MDGA2: variants seen among roughly 807,000 people sequenced by gnomAD.
The protein encoded by MDGA2 is MAM domain containing glycosylphosphatidylinositol anchor 2, also known as MAM domain-containing glycosylphosphatidylinositol anchor protein 2.
A neutral mutation model predicts 117.8 loss-of-function variants in MDGA2; 40 were observed. The observed-to-expected ratio is 0.34, with a 90% confidence interval of 0.26 to 0.44. MDGA2 has a LOEUF of 0.44. Among genes scored for constraint, MDGA2 ranks in the 20% least tolerant of loss-of-function variants. MDGA2 has a pLI of 1.00. For synonymous variants in MDGA2, 452 were observed against 439.0 expected (o/e 1.03, Z -0.37); for missense variants, 1,123 against 1,250.6 (o/e 0.90, Z 1.54).
At chr14:47,543,467 TG>T (rs551200970) in intron 1 of MDGA2, among the ~76,000 whole-genome samples, 2 of 152,156 alleles carry the variant, frequency 1.3e-5, no homozygotes, top group Non-Finnish European at 2.9e-5. Context: ...AATAAGGAGA[TG>T]GCTGGTTAAA....
intron 1 of MDGA2, among the ~76,000 whole-genome samples, chr14:47,573,199 T>C (rs546985517): frequency 4.6e-5 from 7 of 152,252 alleles, no homozygotes; most frequent in Non-Finnish European, 5.9e-5. Context: ...AGATATAAGT[T>C]CCATCAAAAT....
intron 2 of MDGA2, among the ~76,000 whole-genome samples, chr14:47,263,080 G>A (rs17118256): frequency 0.22 from 33,600 of 151,980 alleles, 4,714 homozygotes; most frequent in East Asian, 0.44. Context: ...ATTTAGCAGG[G>A]TAATTCTTGC....
intron 1 of MDGA2, among the ~76,000 whole-genome samples, chr14:47,301,959 T>C (rs1889299296): frequency 1.3e-5 from 2 of 152,306 alleles, no homozygotes; most frequent in South Asian, 4.1e-4. Context: ...ATGGAAGACA[T>C]TGACATTTGT....
intron 8 of MDGA2, among the ~76,000 whole-genome samples, chr14:47,019,777 G>A (rs1888220124): frequency 1.3e-5 from 2 of 150,706 alleles, no homozygotes; most frequent in African/African-American, 4.9e-5. Context: ...CCGGGAGGCG[G>A]AGCTTGCAGT....
At chr14:47,596,937 A>T (rs963810403) in intron 1 of MDGA2, among the ~76,000 whole-genome samples, 1 of 152,182 alleles carries the variant, frequency 6.6e-6, no homozygotes, top group Non-Finnish European at 1.5e-5. Flanking sequence ...CTGGTAGATA[A>T]GCCCATTCTG....
rs556505614 is a variant in MDGA2 at position 47,240,149 on chromosome 14, A to G, written c.421-21954T>C. Reference sequence around the variant, plus strand: ...AACTTCTGCCTCCCTGGTTCAAGCGATTCTCCTGCCTCAGCCTCCTCAGTA... The same window carrying G: ...AACTTCTGCCTCCCTGGTTCAAGCGGTTCTCCTGCCTCAGCCTCCTCAGTA... On this transcript the variant is annotated intron_variant, in intron 2 of 16. Coordinates refer to ENST00000399232, the MANE Select transcript of MDGA2 (RefSeq NM_001113498.3). Among the ~76,000 whole-genome samples, 114 of 151,678 alleles carry G rather than the reference A, an allele frequency of 7.5e-4. 1 individual carries two copies. Among genetic ancestry groups the G allele is most frequent in the African/African-American group, 1.7e-3 (69 of 41,418 alleles).
chr14:47,465,873 T>C (rs1893592967), intron 1 of MDGA2, among the ~76,000 whole-genome samples: 1 of 152,148 alleles, frequency 6.6e-6, no homozygotes, highest in South Asian at 2.1e-4. Flanking sequence ...TAAAGACACA[T>C]GCAGGTGAAT....
intron 10 of MDGA2, among the ~76,000 whole-genome samples, chr14:46,908,671 A>T (rs1280035282): frequency 6.6e-6 from 1 of 152,174 alleles, no homozygotes. Context: ...AGATCTGAAG[A>T]TTTCTAATTT....
chr14:46,926,972 G>C (rs1296496343), intron 9 of MDGA2, among the ~76,000 whole-genome samples: 1 of 152,130 alleles, frequency 6.6e-6, no homozygotes, highest in Non-Finnish European at 1.5e-5. Flanking sequence ...CCTGAGCGTA[G>C]ACTCCTAAAT....
At chr14:47,228,705 A>G (rs1886590468) in intron 2 of MDGA2, among the ~76,000 whole-genome samples, 1 of 152,174 alleles carries the variant, frequency 6.6e-6, no homozygotes, top group Admixed American at 6.6e-5. Context: ...ACTATGACAT[A>G]TTATAATGAA....
intron 9 of MDGA2, among the ~76,000 whole-genome samples, chr14:46,928,489 A>G (rs1884415482): frequency 6.6e-6 from 1 of 152,136 alleles, no homozygotes; most frequent in Non-Finnish European, 1.5e-5. Flanking sequence ...TTCTAATAAC[A>G]TTGAATCTCA....
At chr14:47,109,981 A>C (rs1315077287) in intron 5 of MDGA2, among the ~76,000 whole-genome samples, 1 of 152,146 alleles carries the variant, frequency 6.6e-6, no homozygotes. Context: ...AATCAAAAAA[A>C]CCTACAAACA....
chr14:47,320,174 C>A (rs184321740), intron 1 of MDGA2, among the ~76,000 whole-genome samples: 2 of 152,120 alleles, frequency 1.3e-5, no homozygotes, highest in African/African-American at 4.8e-5. Flanking sequence ...TTAAAGCCAT[C>A]CAGTTTGCAG....
chr14:47,139,819 C>T (rs9743953), intron 4 of MDGA2, among the ~76,000 whole-genome samples: 1 of 141,874 alleles, frequency 7.0e-6, no homozygotes, highest in Non-Finnish European at 1.5e-5. Context: ...TATATACACA[C>T]ATATATATAC....
chr14:47,090,760 GC>G (rs1388676406), intron 6 of MDGA2, among the ~76,000 whole-genome samples: 1 of 152,112 alleles, frequency 6.6e-6, no homozygotes, highest in Admixed American at 6.6e-5. Context: ...TAGAAGTCTG[GC>G]TACCTTGAAG....
intron 1 of MDGA2, among the ~76,000 whole-genome samples, chr14:47,465,010 A>G (rs1893570795): frequency 6.6e-6 from 1 of 152,198 alleles, no homozygotes; most frequent in African/African-American, 2.4e-5. Flanking sequence ...AGGCACCTAC[A>G]TGAATGGAAC....
chr14:46,846,892 T>A (rs182011176), intron 15 of MDGA2, among the ~76,000 whole-genome samples: 70 of 152,250 alleles, frequency 4.6e-4, no homozygotes, highest in African/African-American at 1.6e-3. Context: ...ATTAATAACA[T>A]TTCTAGACTT....
At chr14:47,183,484 T>C (rs1174111691) in intron 3 of MDGA2, among the ~76,000 whole-genome samples, 2 of 152,104 alleles carry the variant, frequency 1.3e-5, no homozygotes, top group Non-Finnish European at 2.9e-5. Context: ...GATAAGATGG[T>C]TCATGATCTG....
At chr14:47,272,739 T>A (rs1888186860) in intron 2 of MDGA2, among the ~76,000 whole-genome samples, 1 of 152,236 alleles carries the variant, frequency 6.6e-6, no homozygotes, top group Admixed American at 6.5e-5. Flanking sequence ...ACAAATTTCA[T>A]GCACCTCATT....
Sources: allele counts gnomAD v4.1 joint callset (sites outside exome capture counted in the v4.1 genomes callset), GRCh38; gene constraint gnomAD v4.1.1; transcripts MANE v1.5; gene names NCBI Gene and HGNC (gene_info 2026-07-23, HGNC 2026-07-21).